The following TSGA10IP variants were observed in gnomAD, a reference collection of about 807,000 sequenced individuals.
TSGA10IP encodes testis-specific protein 10-interacting protein.
In TSGA10IP, 64 loss-of-function variants were observed where a neutral mutation model predicts 63.2. The ratio of observed to expected loss-of-function variants is 1.01; its 90% CI spans 0.83 to 1.25. The LOEUF (loss-of-function observed/expected upper bound fraction) is 1.25, where lower values mean the gene tolerates loss of function less well. Ranked by LOEUF, TSGA10IP falls within the 50% of genes most tolerant of loss-of-function variation. TSGA10IP has a pLI of 0.00. For missense variants in TSGA10IP, 681 were observed against 710.1 expected, an observed-to-expected ratio of 0.96 and a Z score of 0.47; for synonymous variants, 316 against 298.3, an observed-to-expected ratio of 1.06 and a Z score of -0.61.
chr11:65,947,961 A>G, intron 3 of TSGA10IP, 40 bp from the exon 4 acceptor site: 1 of 1,539,598 alleles, frequency 6.5e-7, no homozygotes, highest in Non-Finnish European at 8.8e-7. Context: ...GTGGGCTGAG[A>G]GGGAGAGGGC....
intron 5 of TSGA10IP, among the ~76,000 whole-genome samples, chr11:65,956,135 CTTTTTTTTT>C (rs1357746313): frequency 9.2e-6 from 1 of 109,150 alleles, no homozygotes; most frequent in Admixed American, 1.1e-4. Flanking sequence ...GAGGCTCAGT[CTTTTTTTTT>C]TTTTTTTTTT....
chr11:65,950,136 C>T (rs1238949177), intron 4 of TSGA10IP, among the ~76,000 whole-genome samples: 2 of 152,006 alleles, frequency 1.3e-5, no homozygotes, highest in African/African-American at 2.4e-5. Flanking sequence ...CAGGCGTGAG[C>T]CACCACTCCC....
exon 3 of TSGA10IP, chr11:65,947,547 G>C (rs763685844): frequency 3.7e-6 from 6 of 1,613,858 alleles, no homozygotes; most frequent in Non-Finnish European, 5.1e-6. Flanking sequence ...CCCAGGAGGG[G>C]GTCGATCTCA....
At chr11:65,947,284 C>T in exon 3 of TSGA10IP, 1 of 1,612,444 alleles carries the variant, frequency 6.2e-7, no homozygotes, top group South Asian at 1.1e-5. Context: ...CCACGGCCAA[C>T]CTCCCAGAGG....
In TSGA10IP at chr11:65,956,620, C is replaced by T. The variant is rs575786344; in HGVS notation, c.1323-2263C>T. Among the ~76,000 whole-genome samples, 9 of 152,146 alleles carry T rather than the reference C, an allele frequency of 5.9e-5. No homozygotes were observed. In the East Asian group the frequency reaches 1.4e-3, roughly 23 times the overall value. ...TCAGTTCACTGAAACCTCCATCTCCCGGGCTCAAGCAATTCTCCTGCCTCA... is the reference window on the plus strand; with the variant it reads ...TCAGTTCACTGAAACCTCCATCTCCTGGGCTCAAGCAATTCTCCTGCCTCA... On this transcript the variant is annotated intron_variant, in intron 5 of 7. Coordinates refer to ENST00000532620, the Ensembl canonical transcript of TSGA10IP.
chr11:65,951,528 T>TTATTATTAC (rs1854942233), intron 4 of TSGA10IP, among the ~76,000 whole-genome samples: 1 of 146,024 alleles, frequency 6.8e-6, no homozygotes, highest in Non-Finnish European at 1.5e-5. Context: ...TTTATTATTA[T>TTATTATTAC]TATTATTATT....
intron 4 of TSGA10IP, among the ~76,000 whole-genome samples, chr11:65,950,243 C>G (rs1854921882): frequency 6.6e-6 from 1 of 152,034 alleles, no homozygotes; most frequent in African/African-American, 2.4e-5. Context: ...ACTACAGACA[C>G]CAGATCATAC....
intron 2 of TSGA10IP, 25 bp downstream of exon 2, chr11:65,947,041 G>C: frequency 6.2e-7 from 1 of 1,613,256 alleles, no homozygotes; most frequent in Non-Finnish European, 8.5e-7. Context: ...GATGGGTCAG[G>C]AGGCTGTTGG....
Position 65,958,970 on chromosome 11 carries a change from G to A in TSGA10IP, c.1410G>A (p.Gln470=), listed in dbSNP as rs1855071538. The A allele has an allele frequency of 5.0e-6, 8 of 1,613,148 alleles. 1 individual carries two copies. Among genetic ancestry groups the A allele is most frequent in the Non-Finnish European group, 6.8e-6 (8 of 1,179,818 alleles). ...TGCAGGCCCGGCCCTTCCTGTTCCA[G>A]CAGGCTATGCAGGTGAGGCTGGCAC... The change falls in exon 6 of 8, where the codon CAG becomes CAA. Residue 470 remains glutamine, a synonymous_variant. Transcript: ENST00000532620.
Position 65,948,699 on chromosome 11 carries a change from C to G in TSGA10IP, c.1151+551C>G, listed in dbSNP as rs375498967. Among the ~76,000 whole-genome samples, 190 of 152,198 alleles carry G rather than the reference C, an allele frequency of 1.2e-3. 6 individuals are homozygous for G. The South Asian group carries it at 0.039, about 31-fold the overall frequency. On this transcript the variant is annotated intron_variant, in intron 4 of 7. Transcript: ENST00000532620. ...CTAAAAAAGAAGTTAAGGGGCCGGG[C>G]GTGGTGGCTCACGCCTATAATCCTA...
At chr11:65,950,770 G>T (rs1854929134) in intron 4 of TSGA10IP, among the ~76,000 whole-genome samples, 1 of 152,024 alleles carries the variant, frequency 6.6e-6, no homozygotes, top group African/African-American at 2.4e-5. Context: ...CACTGTGTTA[G>T]CCAGGATGGT....
Position 65,947,097 on chromosome 11 carries a change from T to G in TSGA10IP, c.285-13T>G, listed in dbSNP as rs1854849439. 6.2e-7 allele frequency: 1 copy of G among 1,609,056 alleles called. No homozygotes were observed. The highest frequency in any genetic ancestry group is 8.5e-7 in the Non-Finnish European group (1 of 1,176,524). On this transcript the variant is annotated splice_polypyrimidine_tract_variant and intron_variant, in intron 2 of 7. Coordinates refer to ENST00000532620, the Ensembl canonical transcript of TSGA10IP. ...CTGGCGCCGACCCTGACCCCCACCCTTTCCTTCTTCAGTCACTTCCCGCTT... is the reference window on the plus strand; with the variant it reads ...CTGGCGCCGACCCTGACCCCCACCCGTTCCTTCTTCAGTCACTTCCCGCTT...
rs76556836 is a variant in TSGA10IP, at chr11:65,953,531, G to A, written c.1152-36G>A. On this transcript the variant is annotated intron_variant, in intron 4 of 7. Coordinates refer to ENST00000532620, the Ensembl canonical transcript of TSGA10IP. ...GCCCTCCGTGAGGCTCCTGCTGCCC[G>A]TGAACCTCTCATTCCCCTTCCCTTT... 9,202 of 1,513,786 alleles carry A rather than the reference G, an allele frequency of 6.1e-3. 411 individuals carry two copies. In the African/African-American group the frequency reaches 0.11, roughly 17 times the overall value. 93.8% of individuals were successfully genotyped at this position (1,513,786 alleles called of 1,614,324 possible).
At chr11:65,958,819 C>T in intron 5 of TSGA10IP, 64 bp from the exon 6 acceptor site, 1 of 1,391,774 alleles carries the variant, frequency 7.2e-7, no homozygotes, top group Non-Finnish European at 1.0e-6. Context: ...GATAAGCGGG[C>T]TCAGGAATGG....
intron 1 of TSGA10IP, 31 bp from the exon 2 acceptor site, chr11:65,946,836 AGGCTGCTCAAGCT>A: frequency 6.2e-7 from 1 of 1,601,616 alleles, no homozygotes; most frequent in African/African-American, 1.3e-5. Flanking sequence ...ACAGTCCAGG[AGGCTGCTCAAGCT>A]GGCTGCTCCT....
At chr11:65,958,895 A>G (rs975725265) in exon 6 of TSGA10IP, 3 of 1,612,706 alleles carry the variant, frequency 1.9e-6, no homozygotes, top group African/African-American at 2.7e-5. Flanking sequence ...GCCAGGAGCG[A>G]CAGCGCTTTG....
chr11:65,959,233 T>C (rs1440561438), exon 7 of TSGA10IP: 12 of 1,608,900 alleles, frequency 7.5e-6, no homozygotes, highest in Admixed American at 3.4e-5. Context: ...TCCCAGGTGC[T>C]GTCAGCACTG....
chr11:65,947,184 G>A (rs766653217), exon 3 of TSGA10IP: 15 of 1,608,804 alleles, frequency 9.3e-6, no homozygotes, highest in African/African-American at 5.3e-5. Context: ...ACAGATGTCC[G>A]GGCTGTGCTT....
intron 5 of TSGA10IP, among the ~76,000 whole-genome samples, chr11:65,957,643 AAGGGTGGCATGGCC>A (rs1178154439): frequency 6.6e-6 from 1 of 152,152 alleles, no homozygotes; most frequent in African/African-American, 2.4e-5. Context: ...GGGCCACAGC[AAGGGTGGCATGGCC>A]CAGCAAGGCT....
Sources: gnomAD v4.1 joint callset for allele counts (sites outside exome capture counted in the v4.1 genomes callset) on GRCh38, gnomAD v4.1.1 for gene constraint, MANE v1.5 for transcripts, NCBI Gene and HGNC (gene_info 2026-07-23, HGNC 2026-07-21) for gene names.